The following CDKN2B-AS1 variants were observed in gnomAD, a reference collection of about 807,000 sequenced individuals.
The protein encoded by CDKN2B-AS1 is CDKN2B and CDKN2A antisense cis and trans regulatory RNA 1.
At chr9:22,042,359 A>T (rs891967732) in intron 1 of CDKN2B-AS1, among the ~76,000 whole-genome samples, 1 of 152,140 alleles carries the variant, frequency 6.6e-6, no homozygotes, top group Admixed American at 6.6e-5. Context: ...AACAATTATA[A>T]TATTCTGAAA....
intron 1 of CDKN2B-AS1, among the ~76,000 whole-genome samples, chr9:22,023,130 C>G (rs1412484869): frequency 6.6e-6 from 1 of 152,042 alleles, no homozygotes; most frequent in Non-Finnish European, 1.5e-5. Context: ...GGGTATCTTA[C>G]TGGGGTTCTC....
At chr9:22,023,433 T>G (rs946588941) in intron 1 of CDKN2B-AS1, among the ~76,000 whole-genome samples, 2 of 152,126 alleles carry the variant, frequency 1.3e-5, no homozygotes, top group South Asian at 4.1e-4. Context: ...TACTTGTGAT[T>G]GCATTATGAA....
chr9:22,056,033 A>C (rs1470483587), intron 3 of CDKN2B-AS1, among the ~76,000 whole-genome samples: 1 of 150,718 alleles, frequency 6.6e-6, no homozygotes, highest in Non-Finnish European at 1.5e-5. Flanking sequence ...CTTGAAGGTT[A>C]CATAGATTTT....
chr9:22,056,688 C>T (rs962906047), intron 4 of CDKN2B-AS1, among the ~76,000 whole-genome samples: 26 of 152,272 alleles, frequency 1.7e-4, no homozygotes, highest in African/African-American at 6.3e-4. Context: ...GTGATGTCAG[C>T]TTCAGTTTTC....
intron 4 of CDKN2B-AS1, among the ~76,000 whole-genome samples, chr9:22,059,681 C>A (rs1823729961): frequency 6.6e-6 from 1 of 152,258 alleles, no homozygotes; most frequent in African/African-American, 2.4e-5. Flanking sequence ...GGGCTCTAAC[C>A]CCACATTTCT....
At chr9:22,090,768 C>G (rs2131341495) in intron 4 of CDKN2B-AS1, among the ~76,000 whole-genome samples, 1 of 152,158 alleles carries the variant, frequency 6.6e-6, no homozygotes, top group East Asian at 1.9e-4. Flanking sequence ...TTCTCCCATT[C>G]TGTAGGTTGG....
In CDKN2B-AS1 at chr9:22,000,206, G is replaced by A. The variant is rs998120784; in HGVS notation, n.29+5045G>A. Reference sequence around the variant, plus strand: ...GTGATTCTGACATGGAGCCAGGATTGAGAAACAATTTTCTGAAATGGAAGG... The same window carrying A: ...GTGATTCTGACATGGAGCCAGGATTAAGAAACAATTTTCTGAAATGGAAGG... On this transcript the variant is annotated intron_variant and non_coding_transcript_variant, in intron 1 of 4. Coordinates refer to ENST00000650946, the Ensembl canonical transcript of CDKN2B-AS1. The surrounding 1 kb of genome is among the most constrained non-coding windows in gnomAD (Gnocchi z 4.1). Among the ~76,000 whole-genome samples, 4 of 152,114 alleles carry A rather than the reference G, an allele frequency of 2.6e-5. No individual in the cohort carries two copies. The highest frequency in any genetic ancestry group is 5.9e-5 in the Non-Finnish European group (4 of 68,012).
intron 1 of CDKN2B-AS1, among the ~76,000 whole-genome samples, chr9:22,017,478 A>G (rs1042280620): frequency 3.9e-5 from 6 of 152,224 alleles, no homozygotes; most frequent in Non-Finnish European, 8.8e-5. Flanking sequence ...GTGTACACAC[A>G]GGGTTTACTG....
chr9:22,064,603 A>C (rs1048714925), intron 4 of CDKN2B-AS1, among the ~76,000 whole-genome samples: 2 of 152,220 alleles, frequency 1.3e-5, no homozygotes, highest in South Asian at 4.1e-4. Flanking sequence ...GGAGTGAATC[A>C]GTTCGAGACA....
At chr9:22,079,687 C>CT (rs1563968357) in intron 4 of CDKN2B-AS1, among the ~76,000 whole-genome samples, 1 of 151,920 alleles carries the variant, frequency 6.6e-6, no homozygotes, top group Non-Finnish European at 1.5e-5. Context: ...CGAGTGTTTC[C>CT]TTTTTTTCAG....
At chr9:22,092,562 G>T (rs1055554281) in intron 4 of CDKN2B-AS1, 1 of 152,174 alleles carries the variant, frequency 6.6e-6, no homozygotes. Flanking sequence ...GAGGATGTAT[G>T]TGTCGAGGAA....
At chr9:22,010,920 A>G (rs1341646300) in intron 1 of CDKN2B-AS1, among the ~76,000 whole-genome samples, 1 of 152,236 alleles carries the variant, frequency 6.6e-6, no homozygotes, top group Non-Finnish European at 1.5e-5. Flanking sequence ...TGATAAGGAA[A>G]TGGAAGATAA....
chr9:22,018,451 A>AGTTCC (rs1821877339), intron 1 of CDKN2B-AS1, among the ~76,000 whole-genome samples: 1 of 152,094 alleles, frequency 6.6e-6, no homozygotes, highest in African/African-American at 2.4e-5. Context: ...TGAGGTCAGC[A>AGTTCC]GTTCAGACCA....
At chr9:22,065,585 A>C (rs1824001894) in intron 4 of CDKN2B-AS1, 1 of 152,206 alleles carries the variant, frequency 6.6e-6, no homozygotes, top group Non-Finnish European at 1.5e-5. Flanking sequence ...ACTTTTTGTT[A>C]AGGTAGCTCC....
chr9:22,114,801 G>A (rs1184982229), intron 4 of CDKN2B-AS1, among the ~76,000 whole-genome samples: 2 of 152,156 alleles, frequency 1.3e-5, no homozygotes, highest in Non-Finnish European at 2.9e-5. Context: ...AATTTTTTGT[G>A]TGTGAATTCA....
At chr9:22,042,246 C>G (rs1013187062) in intron 1 of CDKN2B-AS1, among the ~76,000 whole-genome samples, 2 of 152,016 alleles carry the variant, frequency 1.3e-5, no homozygotes, top group Non-Finnish European at 2.9e-5. Flanking sequence ...TTTGTTCATA[C>G]GTTTATTAAC....
chr9:22,009,045 C>T, intron 1 of CDKN2B-AS1: 2 of 1,573,474 alleles, frequency 1.3e-6, no homozygotes, highest in Non-Finnish European at 1.7e-6. Flanking sequence ...GCTGCTCCGG[C>T]GCACTCTCTC....
intron 4 of CDKN2B-AS1, among the ~76,000 whole-genome samples, chr9:22,107,331 T>C (rs758325640): frequency 6.6e-6 from 1 of 152,166 alleles, no homozygotes; most frequent in Non-Finnish European, 1.5e-5. Context: ...TGTGCATTAT[T>C]ACCCAGGGCT....
At chr9:22,057,725 T>G (rs1222713943) in intron 4 of CDKN2B-AS1, among the ~76,000 whole-genome samples, 2 of 151,096 alleles carry the variant, frequency 1.3e-5, no homozygotes, top group Non-Finnish European at 2.9e-5. Context: ...GAGGATTGCT[T>G]GAGCCTGCGA....
Sources: gnomAD v4.1 joint callset for allele counts (sites outside exome capture counted in the v4.1 genomes callset) on GRCh38, gnomAD v4.1.1 for gene constraint, Gnocchi (gnomAD v3.1) non-coding constraint, MANE v1.5 for transcripts, NCBI Gene and HGNC (gene_info 2026-07-23, HGNC 2026-07-21) for gene names.